Variants in MYO3A observed in about 807,000 individuals in gnomAD.
MYO3A encodes the protein myosin-IIIa.
A neutral mutation model predicts 192.7 loss-of-function variants in MYO3A; 180 were observed. The observed-to-expected ratio is 0.93, with a 90% CI of 0.83 to 1.06. The LOEUF (loss-of-function observed/expected upper bound fraction) is 1.06, where lower values mean the gene tolerates loss of function less well. Among genes scored for constraint, MYO3A ranks in the 50% least tolerant of loss-of-function variants. The pLI is 0.00. For synonymous variants in MYO3A, 628 were observed against 645.3 expected, an observed-to-expected ratio of 0.97 and a Z score of 0.41; for missense variants, 1,896 against 1,905.0, an observed-to-expected ratio of 1.00 and a Z score of 0.09.
intron 4 of MYO3A, among the ~76,000 whole-genome samples, chr10:25,979,630 C>A (rs1394068550): frequency 6.6e-6 from 1 of 152,062 alleles, no homozygotes; most frequent in Non-Finnish European, 1.5e-5. Context: ...TCAATGTTAC[C>A]AGTCTCTGTG....
chr10:25,997,339 C>T, intron 6 of MYO3A, 81 bp downstream of exon 6: 2 of 1,028,496 alleles, frequency 1.9e-6, no homozygotes, highest in Admixed American at 1.8e-5. Flanking sequence ...GAATGGCCTT[C>T]CTTTCTAGGT....
intron 20 of MYO3A, among the ~76,000 whole-genome samples, chr10:26,132,694 A>G (rs749724327): frequency 6.6e-6 from 1 of 151,792 alleles, no homozygotes; most frequent in Non-Finnish European, 1.5e-5. Flanking sequence ...AGCTATTACT[A>G]TTTATTTCTG....
chr10:26,153,084 C>T (rs1781346546), intron 23 of MYO3A, among the ~76,000 whole-genome samples: 1 of 152,174 alleles, frequency 6.6e-6, no homozygotes, highest in Admixed American at 6.5e-5. Context: ...ATAAACTCTT[C>T]GATTGTGGGT....
At chr10:26,131,090 A>G (rs1324674549) in intron 20 of MYO3A, among the ~76,000 whole-genome samples, 1 of 152,200 alleles carries the variant, frequency 6.6e-6, no homozygotes, top group African/African-American at 2.4e-5. Flanking sequence ...TCTCGGCACA[A>G]GTCTTGGGCA....
intron 10 of MYO3A, among the ~76,000 whole-genome samples, chr10:26,062,528 A>ACAC (rs879434861): frequency 7.2e-6 from 1 of 138,284 alleles, no homozygotes; most frequent in South Asian, 2.2e-4. Context: ...AAAAAAAAAA[A>ACAC]AAAAATTATG....
chr10:26,205,026 A>G (rs2132223122), intron 34 of MYO3A, among the ~76,000 whole-genome samples: 1 of 152,352 alleles, frequency 6.6e-6, no homozygotes, highest in East Asian at 1.9e-4. Flanking sequence ...CACAAAGAAT[A>G]TCTTTTTGTG....
intron 14 of MYO3A, among the ~76,000 whole-genome samples, chr10:26,082,568 A>C (rs1277193065): frequency 6.6e-6 from 1 of 152,224 alleles, no homozygotes; most frequent in Non-Finnish European, 1.5e-5. Flanking sequence ...TCCAAGATAC[A>C]CTTGTGGTTG....
intron 10 of MYO3A, among the ~76,000 whole-genome samples, chr10:26,060,581 C>T (rs140927683): frequency 6.1e-4 from 80 of 131,734 alleles, no homozygotes; most frequent in African/African-American, 2.0e-3. Context: ...AATATGTTTT[C>T]CTTACAATTC....
chr10:25,976,050 C>A (rs76163196), intron 4 of MYO3A, among the ~76,000 whole-genome samples: 5,873 of 152,210 alleles, frequency 0.039, 415 homozygotes, highest in African/African-American at 0.13. Flanking sequence ...CAATGAAATG[C>A]AATTAGACAT....
At chr10:26,084,196 G>A (rs1264420170) in intron 14 of MYO3A, among the ~76,000 whole-genome samples, 3 of 152,210 alleles carry the variant, frequency 2.0e-5, no homozygotes, top group Admixed American at 6.5e-5. Context: ...CAGTTGAGAT[G>A]ATTATGTGGT....
At chr10:26,047,845 A>G (rs1305193994) in intron 10 of MYO3A, among the ~76,000 whole-genome samples, 1 of 152,148 alleles carries the variant, frequency 6.6e-6, no homozygotes, top group Non-Finnish European at 1.5e-5. Flanking sequence ...GTTCTGCCCC[A>G]TAGGAGGCCG....
chr10:26,073,893 A>G (rs1835368809), intron 14 of MYO3A, among the ~76,000 whole-genome samples: 1 of 152,008 alleles, frequency 6.6e-6, no homozygotes, highest in African/African-American at 2.4e-5. Context: ...CTATATGTAG[A>G]CTGCGATGGG....
chr10:26,050,256 C>T (rs557381032), intron 10 of MYO3A, among the ~76,000 whole-genome samples: 6 of 152,168 alleles, frequency 3.9e-5, no homozygotes, highest in Admixed American at 2.6e-4. Flanking sequence ...TGTGAGCCAC[C>T]GCACCCAGCC....
rs1844257359 is a variant in MYO3A at position 26,212,244 on chromosome 10, G to A, written c.*281G>A. 4.1e-6 allele frequency: 2 copies of A among 493,466 alleles called. No individual in the cohort carries two copies. The highest frequency in any genetic ancestry group is 3.0e-5 in the East Asian group (1 of 33,486). 30.6% of individuals were successfully genotyped at this position (493,466 alleles called of 1,614,324 possible). On this transcript the variant is annotated 3_prime_UTR_variant, in exon 35 of 35. Transcript: ENST00000642920. ...CGCCAGTTGTGGCAACCCTGTCCTT[G>A]TTCCCCTAATCTATCACTTTGTTCT...
chr10:25,938,680 G>A (rs753180775), intron 2 of MYO3A, among the ~76,000 whole-genome samples: 16 of 152,166 alleles, frequency 1.1e-4, no homozygotes, highest in Non-Finnish European at 1.9e-4. Context: ...TGATGAATGT[G>A]TATAAAAGTG....
Position 26,082,969 on chromosome 10 carries a change from G to T in MYO3A, c.1360-5234G>T, listed in dbSNP as rs146586834. Among the ~76,000 whole-genome samples, 74 of 152,256 alleles carry T rather than the reference G, an allele frequency of 4.9e-4. 3 individuals carry two copies. The East Asian group carries it at 0.013, about 27-fold the overall frequency. ...ACTGTGACTATGACTTTTGGAATATGATATGTGACAGTAAAACTAGCACAA... is the reference window on the plus strand; with the variant it reads ...ACTGTGACTATGACTTTTGGAATATTATATGTGACAGTAAAACTAGCACAA... On this transcript the variant is annotated intron_variant, in intron 14 of 34. Transcript: ENST00000642920.
chr10:25,983,830 C>T (rs1238167041), intron 4 of MYO3A, among the ~76,000 whole-genome samples: 3 of 152,072 alleles, frequency 2.0e-5, no homozygotes, highest in Non-Finnish European at 4.4e-5. Flanking sequence ...AAAGTCAAGA[C>T]AAAGGAAAGA....
chr10:26,207,053 G>A (rs1416491651), intron 34 of MYO3A, among the ~76,000 whole-genome samples: 1 of 149,766 alleles, frequency 6.7e-6, no homozygotes, highest in African/African-American at 2.5e-5. Context: ...TTATTGGAGG[G>A]TTGTTTTCTG....
intron 14 of MYO3A, among the ~76,000 whole-genome samples, chr10:26,076,003 G>T (rs1835551969): frequency 6.6e-6 from 1 of 151,020 alleles, no homozygotes; most frequent in African/African-American, 2.5e-5. Flanking sequence ...TTTCTTCTGG[G>T]TGGATACCCA....
Sources: gnomAD v4.1 joint callset for allele counts (sites outside exome capture counted in the v4.1 genomes callset) on GRCh38, gnomAD v4.1.1 for gene constraint, MANE v1.5 for transcripts, NCBI Gene and HGNC (gene_info 2026-07-23, HGNC 2026-07-21) for gene names.